SV2C: variants seen among roughly 807,000 people sequenced by gnomAD.
SV2C encodes the protein synaptic vesicle glycoprotein 2C.
Under a neutral mutation model 79.7 loss-of-function variants are expected in SV2C, and 49 were observed. The observed-to-expected ratio is 0.61, with a 90% CI of 0.49 to 0.78. The LOEUF is 0.78. Ranked by LOEUF, SV2C falls within the 30% of genes least tolerant of loss-of-function variation. SV2C has a pLI of 0.00. For missense variants in SV2C, 833 were observed against 912.9 expected (o/e 0.91, Z 1.13); for synonymous variants, 334 against 333.2 (o/e 1.00, Z -0.03).
At chr5:76,285,905 G>A in intron 6 of SV2C, 35 bp downstream of exon 6, 1 of 1,573,246 alleles carries the variant, frequency 6.4e-7, no homozygotes. Context: ...TCAACACCAG[G>A]GATTGGGACA....
chr5:76,086,632 C>A (rs1747208868), intron 1 of SV2C, among the ~76,000 whole-genome samples: 1 of 95,994 alleles, frequency 1.0e-5, no homozygotes, highest in Non-Finnish European at 1.9e-5. Flanking sequence ...GGAAAGGCAG[C>A]CCCTGGCATA....
intron 4 of SV2C, among the ~76,000 whole-genome samples, chr5:76,244,892 G>A (rs1745897884): frequency 1.3e-5 from 2 of 152,360 alleles, no homozygotes; most frequent in South Asian, 2.1e-4. Context: ...TAGATGAGGT[G>A]TATAAATGTG....
At chr5:76,011,014 G>A in the SV2C span, among the ~76,000 whole-genome samples, 2 of 152,144 alleles carry the variant, frequency 1.3e-5, no homozygotes, top group Non-Finnish European at 2.9e-5. Context: ...GCACACTTGT[G>A]AAGGCAGGTA....
intron 2 of SV2C, among the ~76,000 whole-genome samples, chr5:76,135,442 A>C (rs529132452): frequency 2.0e-5 from 3 of 152,218 alleles, no homozygotes; most frequent in Non-Finnish European, 2.9e-5. Flanking sequence ...TGGAGGAGGA[A>C]TCATTAAGGA....
At chr5:76,222,493 T>C (rs1212043269) in intron 4 of SV2C, among the ~76,000 whole-genome samples, 1 of 152,134 alleles carries the variant, frequency 6.6e-6, no homozygotes, top group Non-Finnish European at 1.5e-5. Context: ...GAGTTGCATC[T>C]GGGAGAACTT....
chr5:76,214,088 ATG>A (rs201693003), intron 4 of SV2C, among the ~76,000 whole-genome samples: 1 of 152,166 alleles, frequency 6.6e-6, no homozygotes, highest in Non-Finnish European at 1.5e-5. Context: ...ATGTGCATAT[ATG>A]TGTGTGTGTA....
rs559124154 is a variant in SV2C, at chr5:76,322,678, C to T, written c.2001-2686C>T. ...TAACCAAAACAGCATGGTACTGGTA[C>T]CAAAACAGACATATAGACCAATGGC... On this transcript the variant is annotated intron_variant, in intron 12 of 12. Transcript: ENST00000502798. Among the ~76,000 whole-genome samples, 28 of 152,282 alleles carry T rather than the reference C, an allele frequency of 1.8e-4. No individual in the cohort carries two copies. The South Asian group carries it at 5.0e-3, about 27-fold the overall frequency.
the SV2C span, among the ~76,000 whole-genome samples, chr5:76,041,182 A>T: frequency 6.6e-6 from 1 of 152,224 alleles, no homozygotes; most frequent in Non-Finnish European, 1.5e-5. Flanking sequence ...TTTTAAAATT[A>T]TAAATCAAGC....
At chr5:76,335,257 C>G (rs1397825989), downstream of SV2C, among the ~76,000 whole-genome samples, 1 of 152,136 alleles carries the variant, frequency 6.6e-6, no homozygotes, top group African/African-American at 2.4e-5. Flanking sequence ...TTCTCTCCCC[C>G]AGCTAGATCC....
chr5:76,161,415 G>T (rs1333468700), intron 2 of SV2C, among the ~76,000 whole-genome samples: 1 of 152,124 alleles, frequency 6.6e-6, no homozygotes, highest in Non-Finnish European at 1.5e-5. Context: ...AAGGTACAGG[G>T]TTTCTGTTTT....
chr5:76,020,893 A>G, the SV2C span, among the ~76,000 whole-genome samples: 1 of 152,188 alleles, frequency 6.6e-6, no homozygotes, highest in African/African-American at 2.4e-5. Flanking sequence ...AAGTCACAAG[A>G]TGAAAAGAGA....
upstream of SV2C, chr5:76,079,151 T>C: frequency 2.9e-6 from 1 of 339,894 alleles, no homozygotes; most frequent in Non-Finnish European, 5.9e-6. Flanking sequence ...TTTGGAAATA[T>C]TCTCATCCTT....
intron 4 of SV2C, among the ~76,000 whole-genome samples, chr5:76,258,900 TA>T (rs1746379879): frequency 6.6e-6 from 1 of 152,234 alleles, no homozygotes. Context: ...TTCATTTAAA[TA>T]AAATATGGAG....
At chr5:76,083,368 A>G (rs953359653), upstream of SV2C, 1 of 152,368 alleles carries the variant, frequency 6.6e-6, no homozygotes, top group Non-Finnish European at 1.5e-5. Flanking sequence ...CGCCGCTGAC[A>G]CGCTCAGAGG....
chr5:75,892,337 A>G, the SV2C span, among the ~76,000 whole-genome samples: 14 of 152,020 alleles, frequency 9.2e-5, no homozygotes, highest in Non-Finnish European at 1.9e-4. Context: ...AAGTCAGTGT[A>G]TCTAGGGTGT....
chr5:75,936,240 C>T, the SV2C span, among the ~76,000 whole-genome samples: 3 of 152,172 alleles, frequency 2.0e-5, no homozygotes, highest in Admixed American at 6.5e-5. Flanking sequence ...ATCTATTTCT[C>T]CTGACACATC....
At chr5:76,128,800 C>T (rs1199834109) in intron 1 of SV2C, among the ~76,000 whole-genome samples, 1 of 152,068 alleles carries the variant, frequency 6.6e-6, no homozygotes, top group African/African-American at 2.4e-5. Context: ...ATAATCGATT[C>T]GAGAAACAAA....
At chr5:76,158,355 A>C (rs75130348) in intron 2 of SV2C, among the ~76,000 whole-genome samples, 58 of 152,004 alleles carry the variant, frequency 3.8e-4, no homozygotes, top group African/African-American at 1.4e-3. Flanking sequence ...GGAAAGGAAA[A>C]GATATACCAT....
chr5:76,136,513 A>C (rs761457209), intron 2 of SV2C, among the ~76,000 whole-genome samples: 32 of 150,502 alleles, frequency 2.1e-4, no homozygotes, highest in Non-Finnish European at 3.4e-4. Context: ...ACTTGTGATA[A>C]ATTTTAGTGC....
Sources: gnomAD v4.1 joint callset for allele counts (sites outside exome capture counted in the v4.1 genomes callset) on GRCh38, gnomAD v4.1.1 for gene constraint, MANE v1.5 for transcripts, NCBI Gene and HGNC (gene_info 2026-07-23, HGNC 2026-07-21) for gene names.